ZNF804B: variants seen among roughly 807,000 people sequenced by gnomAD.
ZNF804B encodes zinc finger protein 804B, also known as zinc finger 804B.
ZNF804B carries 80 observed loss-of-function variants against 101.4 expected under a neutral mutation model. The observed-to-expected ratio is 0.79, with a 90% CI of 0.66 to 0.95. The LOEUF (loss-of-function observed/expected upper bound fraction) is 0.95. Ranked by LOEUF, ZNF804B falls within the 40% of genes least tolerant of loss-of-function variation. ZNF804B has a pLI of 0.00. For missense variants in ZNF804B, 1,673 were observed against 1,561.9 expected, an observed-to-expected ratio of 1.07 and a Z score of -1.20; for synonymous variants, 622 against 558.8, an observed-to-expected ratio of 1.11 and a Z score of -1.59.
intron 1 of ZNF804B, among the ~76,000 whole-genome samples, chr7:88,886,551 T>A (rs1396103484): frequency 1.3e-5 from 2 of 152,178 alleles, no homozygotes; most frequent in Non-Finnish European, 2.9e-5. Flanking sequence ...CATTTTATTT[T>A]CTTAATGATC....
chr7:88,904,130 G>C (rs1792432289), intron 1 of ZNF804B, among the ~76,000 whole-genome samples: 1 of 152,084 alleles, frequency 6.6e-6, no homozygotes, highest in Non-Finnish European at 1.5e-5. Context: ...ATTTTTGTAT[G>C]TGGTAAAAGA....
rs573712914 is a variant in ZNF804B, at chr7:89,295,857, G to A, written c.250-31487G>A. Among the ~76,000 whole-genome samples, 499 of 152,174 alleles carry A rather than the reference G, an allele frequency of 3.3e-3. 2 individuals carry two copies. The highest frequency in any genetic ancestry group is 6.2e-3 in the South Asian group (30 of 4,828). ...ACAAAACAATGTATTTTGCAGCAAT[G>A]TGGATGGAGCTGGAGGACACTATTC... On this transcript the variant is annotated intron_variant, in intron 2 of 3. Coordinates refer to ENST00000333190, the MANE Select transcript of ZNF804B (RefSeq NM_181646.5).
rs201754738 is a variant in ZNF804B, at chr7:88,794,728, A to G, written c.108+34644A>G. ...GTGATGTTTCAAAACTGACTGAAAC[A>G]TTTGTTCATAGTAGTCAGCAACATC... On this transcript the variant is annotated intron_variant, in intron 1 of 3. Transcript: ENST00000333190. 4.3e-6 allele frequency: 7 copies of G among 1,613,662 alleles called. No individual in the cohort carries two copies. In the Admixed American group the frequency reaches 1.2e-4, roughly 27 times the overall value.
At chr7:88,924,715 G>C (rs921973469) in intron 1 of ZNF804B, among the ~76,000 whole-genome samples, 2 of 151,946 alleles carry the variant, frequency 1.3e-5, no homozygotes, top group African/African-American at 4.8e-5. Context: ...CTCCTCATTT[G>C]GTGTTATTTT....
intron 1 of ZNF804B, among the ~76,000 whole-genome samples, chr7:89,179,401 TA>T (rs201281095): frequency 5.0e-4 from 75 of 150,092 alleles, no homozygotes; most frequent in East Asian, 3.7e-3. Flanking sequence ...TTTCTTCTGT[TA>T]AAAAAAAAAT....
chr7:89,270,214 C>G (rs1014974217), intron 2 of ZNF804B, among the ~76,000 whole-genome samples: 110 of 152,150 alleles, frequency 7.2e-4, no homozygotes, highest in Non-Finnish European at 2.1e-4. Flanking sequence ...ACATTTAAGT[C>G]TTTAATCCAT....
In ZNF804B at chr7:88,925,635, G is replaced by A. The variant is rs73397328; in HGVS notation, c.108+165551G>A. 6.9e-3 allele frequency among the ~76,000 whole-genome samples: 1,044 copies of A among 152,186 alleles called. 3 individuals are homozygous for A. Among genetic ancestry groups the A allele is most frequent in the African/African-American group, 0.01 (421 of 41,526 alleles). ...AAGAATACTAGGATATTAAAAAGTC[G>A]ATGATAATAGAAAAGAGAAAAAAGT... On this transcript the variant is annotated intron_variant, in intron 1 of 3. Coordinates refer to ENST00000333190, the MANE Select transcript of ZNF804B (RefSeq NM_181646.5).
chr7:88,874,907 A>G (rs1451389670), intron 1 of ZNF804B, among the ~76,000 whole-genome samples: 8 of 145,020 alleles, frequency 5.5e-5, no homozygotes, highest in African/African-American at 2.1e-4. Context: ...ACATACTTGG[A>G]AGTAAAGCTC....
intron 1 of ZNF804B, among the ~76,000 whole-genome samples, chr7:88,784,280 C>T (rs1298814068): frequency 6.6e-6 from 1 of 152,146 alleles, no homozygotes; most frequent in Non-Finnish European, 1.5e-5. Context: ...AACATTAGAG[C>T]TTGCACATAT....
At chr7:89,328,952 T>C (rs945789949) in intron 3 of ZNF804B, among the ~76,000 whole-genome samples, 1 of 151,782 alleles carries the variant, frequency 6.6e-6, no homozygotes, top group African/African-American at 2.4e-5. Flanking sequence ...GTCATGGTGA[T>C]GGTGATGATG....
chr7:89,083,570 C>T (rs1217539048), intron 1 of ZNF804B, among the ~76,000 whole-genome samples: 1 of 151,726 alleles, frequency 6.6e-6, no homozygotes, highest in Non-Finnish European at 1.5e-5. Flanking sequence ...ATGTACCTAA[C>T]TTTATATGTC....
intron 2 of ZNF804B, among the ~76,000 whole-genome samples, chr7:89,318,498 T>G (rs1328026056): frequency 6.6e-6 from 1 of 152,202 alleles, no homozygotes; most frequent in Non-Finnish European, 1.5e-5. Flanking sequence ...CACAATGGCT[T>G]ACACCTATAA....
At chr7:88,977,873 C>A (rs1227562752) in intron 1 of ZNF804B, among the ~76,000 whole-genome samples, 2 of 151,348 alleles carry the variant, frequency 1.3e-5, no homozygotes, top group Non-Finnish European at 3.0e-5. Flanking sequence ...CTTATTACTG[C>A]AAACTTTCCT....
chr7:88,819,988 A>G (rs1790950394), intron 1 of ZNF804B, among the ~76,000 whole-genome samples: 1 of 152,162 alleles, frequency 6.6e-6, no homozygotes. Flanking sequence ...ATTTTAAATC[A>G]ATTGGTTGAA....
At chr7:89,052,081 C>A (rs1364150584) in intron 1 of ZNF804B, among the ~76,000 whole-genome samples, 1 of 152,034 alleles carries the variant, frequency 6.6e-6, no homozygotes, top group Non-Finnish European at 1.5e-5. Context: ...CATTTTCTTT[C>A]ATTTAAAGAT....
chr7:89,312,403 C>A (rs554863399), intron 2 of ZNF804B, among the ~76,000 whole-genome samples: 1 of 152,108 alleles, frequency 6.6e-6, no homozygotes, highest in Non-Finnish European at 1.5e-5. Flanking sequence ...ACATGTCGAA[C>A]GAATCCTCCA....
chr7:89,192,588 T>A (rs1788473645), intron 1 of ZNF804B, among the ~76,000 whole-genome samples: 1 of 152,000 alleles, frequency 6.6e-6, no homozygotes, highest in Non-Finnish European at 1.5e-5. Flanking sequence ...TATATTACCA[T>A]TACCATTTAT....
chr7:88,820,259 A>G (rs1184955911), intron 1 of ZNF804B, among the ~76,000 whole-genome samples: 1 of 152,172 alleles, frequency 6.6e-6, no homozygotes, highest in Non-Finnish European at 1.5e-5. Flanking sequence ...TGAGAAGTCA[A>G]ATGTCTAAAA....
chr7:89,141,112 A>ACACAG (rs1283124626), intron 1 of ZNF804B, among the ~76,000 whole-genome samples: 3 of 152,094 alleles, frequency 2.0e-5, no homozygotes, highest in African/African-American at 7.2e-5. Context: ...CAGAGAGAAC[A>ACACAG]CACAGCACTT....
Sources: allele counts gnomAD v4.1 joint callset (sites outside exome capture counted in the v4.1 genomes callset), GRCh38; gene constraint gnomAD v4.1.1; transcripts MANE v1.5; gene names NCBI Gene and HGNC (gene_info 2026-07-23, HGNC 2026-07-21).